DOCK1: variants seen among roughly 807,000 people sequenced by gnomAD.
The protein encoded by DOCK1 is dedicator of cytokinesis 1.
In DOCK1, 138 loss-of-function variants were observed where a neutral mutation model predicts 262.7. That is an observed-to-expected ratio of 0.53 (90% CI 0.46 to 0.61). The LOEUF (loss-of-function observed/expected upper bound fraction) is 0.61, where lower values mean the gene tolerates loss of function less well. DOCK1 is among the 20% of genes least tolerant of loss of function. The probability of loss-of-function intolerance (pLI) is 0.00; values close to 1 mark genes in which losing one functional copy is unlikely to be tolerated. For synonymous variants in DOCK1, 866 were observed against 867.4 expected, an observed-to-expected ratio of 1.00 and a Z score of 0.03; for missense variants, 1,908 against 2,370.7, an observed-to-expected ratio of 0.80 and a Z score of 4.05.
chr10:127,228,754 TAC>T (rs1331689092), intron 27 of DOCK1, among the ~76,000 whole-genome samples: 5 of 152,232 alleles, frequency 3.3e-5, no homozygotes, highest in Non-Finnish European at 7.3e-5. Flanking sequence ...TCTAGCATAT[TAC>T]ATTGTCATTA....
chr10:127,056,536 C>G lies in DOCK1; in HGVS notation c.2336+3721C>G, dbSNP rs543828431. ...GATACTCATGTTCCTTCTCTCCCTC[C>G]CTCTTTTCCTCCCTTCTTCCCTAGC... On this transcript the variant is annotated intron_variant, in intron 22 of 51. Coordinates refer to ENST00000623213, the MANE Select transcript of DOCK1 (RefSeq NM_001290223.2). Among the ~76,000 whole-genome samples the G allele has an allele frequency of 3.0e-4, 45 of 152,192 alleles. No individual in the cohort carries two copies. The East Asian group carries it at 8.7e-3, about 29-fold the overall frequency.
intron 31 of DOCK1, among the ~76,000 whole-genome samples, chr10:127,347,778 C>G (rs1384263343): frequency 6.7e-6 from 1 of 149,628 alleles, no homozygotes; most frequent in South Asian, 2.2e-4. Flanking sequence ...GTCTCTTACT[C>G]TAGGGCTTGT....
intron 27 of DOCK1, among the ~76,000 whole-genome samples, chr10:127,153,148 A>T (rs984996051): frequency 6.6e-6 from 1 of 152,198 alleles, no homozygotes; most frequent in South Asian, 2.1e-4. Context: ...AACATTTCTC[A>T]CCGCTTTTAT....
chr10:127,252,973 A>G (rs1265656505), intron 28 of DOCK1, among the ~76,000 whole-genome samples: 1 of 152,156 alleles, frequency 6.6e-6, no homozygotes, highest in Non-Finnish European at 1.5e-5. Context: ...TTTTCATACA[A>G]AATCACACTT....
At chr10:127,084,499 C>A (rs1448464776) in intron 23 of DOCK1, among the ~76,000 whole-genome samples, 1 of 152,136 alleles carries the variant, frequency 6.6e-6, no homozygotes, top group Non-Finnish European at 1.5e-5. Flanking sequence ...CTGGTAATGC[C>A]CCATTCAGAT....
At chr10:126,913,007 C>G (rs2032035406) in intron 1 of DOCK1, among the ~76,000 whole-genome samples, 3 of 148,494 alleles carry the variant, frequency 2.0e-5, no homozygotes, top group African/African-American at 2.5e-5. Context: ...TTTTTTCCTG[C>G]AAGCCCATGG....
intron 1 of DOCK1, among the ~76,000 whole-genome samples, chr10:126,941,672 G>A (rs1375462955): frequency 3.3e-5 from 5 of 152,054 alleles, no homozygotes; most frequent in East Asian, 2.0e-4. Flanking sequence ...GGAGAATGGC[G>A]TGAACCCGGG....
chr10:126,947,042 G>C (rs1358532467), intron 1 of DOCK1, among the ~76,000 whole-genome samples: 2 of 152,202 alleles, frequency 1.3e-5, no homozygotes, highest in Non-Finnish European at 2.9e-5. Flanking sequence ...CCAAGGACTG[G>C]TACCTGGAGG....
At chr10:127,331,366 C>T (rs561330935) in intron 29 of DOCK1, among the ~76,000 whole-genome samples, 39 of 152,304 alleles carry the variant, frequency 2.6e-4, no homozygotes, top group African/African-American at 9.4e-4. Flanking sequence ...TCTGCAACTT[C>T]TGCCTCCCAG....
intron 23 of DOCK1, among the ~76,000 whole-genome samples, chr10:127,096,829 G>A (rs763481033): frequency 9.2e-5 from 14 of 152,038 alleles, no homozygotes; most frequent in African/African-American, 3.4e-4. Flanking sequence ...TTTCTGGGCC[G>A]GGCATGGTGG....
At chr10:127,298,912 A>G (rs1404955302) in intron 29 of DOCK1, among the ~76,000 whole-genome samples, 2 of 152,170 alleles carry the variant, frequency 1.3e-5, no homozygotes, top group African/African-American at 4.8e-5. Flanking sequence ...AGTAATTCGG[A>G]TGATCTCGAG....
intron 1 of DOCK1, among the ~76,000 whole-genome samples, chr10:126,947,806 GGTGGTGGTGGTGGTGGTTGGT>G (rs2035648769): frequency 8.1e-6 from 1 of 122,950 alleles, no homozygotes; most frequent in African/African-American, 3.5e-5. Context: ...TATTACTGTT[GGTGGTGGTGGTGGTGGTTGGT>G]AGTATTACTG....
In DOCK1 at chr10:127,425,663, C is replaced by A. The variant is rs185997814; in HGVS notation, c.4777-211C>A. On this transcript the variant is annotated intron_variant, in intron 46 of 51. Coordinates refer to ENST00000623213, the MANE Select transcript of DOCK1 (RefSeq NM_001290223.2). ...TGAGTAGCCGTGGTGTAGGGCGCACCACACTGGACATAGTCAATTCAGAAC... is the reference window on the plus strand; with the variant it reads ...TGAGTAGCCGTGGTGTAGGGCGCACAACACTGGACATAGTCAATTCAGAAC... 3.3e-5 allele frequency among the ~76,000 whole-genome samples: 5 copies of A among 152,204 alleles called. No homozygotes were observed. In the East Asian group the frequency reaches 9.7e-4, roughly 30 times the overall value.
intron 27 of DOCK1, among the ~76,000 whole-genome samples, chr10:127,145,531 G>C (rs1219189016): frequency 6.6e-6 from 1 of 151,990 alleles, no homozygotes; most frequent in African/African-American, 2.4e-5. Flanking sequence ...ACACAGGGCT[G>C]TTGTCCTCCT....
At chr10:127,318,407 G>A (rs1357494413) in intron 29 of DOCK1, among the ~76,000 whole-genome samples, 1 of 152,212 alleles carries the variant, frequency 6.6e-6, no homozygotes, top group Non-Finnish European at 1.5e-5. Context: ...TGTGTGAGGA[G>A]ACGAGTAGGG....
intron 27 of DOCK1, among the ~76,000 whole-genome samples, chr10:127,206,786 A>C (rs2057743775): frequency 6.6e-6 from 1 of 152,188 alleles, no homozygotes; most frequent in African/African-American, 2.4e-5. Flanking sequence ...GGACATGAAA[A>C]ATCAAGAGCT....
chr10:126,963,609 C>T lies in DOCK1; in HGVS notation c.47-7093C>T, dbSNP rs1188452598. Among the ~76,000 whole-genome samples, 2 of 67,202 alleles carry T rather than the reference C, an allele frequency of 3.0e-5. 1 individual carries two copies. The highest frequency in any genetic ancestry group is 5.4e-5 in the Non-Finnish European group (2 of 36,984). 44.1% of individuals were successfully genotyped at this position (67,202 alleles called of 152,430 possible). ...CCTTCCCTTCCCTTCCCTTCCCTTC[C>T]CTTCCCTTCCCTTCCCTTCCCTTCC... On this transcript the variant is annotated intron_variant, in intron 1 of 51. Transcript: ENST00000623213.
At chr10:127,235,912 G>T (rs914479447) in intron 27 of DOCK1, among the ~76,000 whole-genome samples, 1 of 151,772 alleles carries the variant, frequency 6.6e-6, no homozygotes, top group African/African-American at 2.4e-5. Context: ...GGCCATTTGT[G>T]TTCCTTTTTT....
chr10:127,439,506 C>A (rs1317056417), intron 49 of DOCK1, among the ~76,000 whole-genome samples: 1 of 152,194 alleles, frequency 6.6e-6, no homozygotes, highest in Admixed American at 6.5e-5. Flanking sequence ...CTCTGTTGGA[C>A]TTGTTTCCTA....
Sources: gnomAD v4.1 joint callset for allele counts (sites outside exome capture counted in the v4.1 genomes callset) on GRCh38, gnomAD v4.1.1 for gene constraint, MANE v1.5 for transcripts, NCBI Gene and HGNC (gene_info 2026-07-23, HGNC 2026-07-21) for gene names.